The following LINGO2 variants were observed in gnomAD, a reference collection of about 807,000 sequenced individuals.
LINGO2 encodes leucine rich repeat and Ig domain containing 2.
A neutral mutation model predicts 30.6 loss-of-function variants in LINGO2; 14 were observed. That is an observed-to-expected ratio of 0.46 (90% CI 0.30 to 0.72). LINGO2 has a LOEUF of 0.72. Among genes scored for constraint, LINGO2 ranks in the 30% least tolerant of loss-of-function variants. LINGO2 has a pLI of 0.07. For synonymous variants in LINGO2, 317 were observed against 288.5 expected (o/e 1.10, Z -1.00); for missense variants, 729 against 751.7 (o/e 0.97, Z 0.35).
chr9:28,564,214 A>G (rs1823248226), intron 1 of LINGO2, among the ~76,000 whole-genome samples: 1 of 152,146 alleles, frequency 6.6e-6, no homozygotes, highest in Admixed American at 6.5e-5. Flanking sequence ...TCTTTTACAT[A>G]GAAAGAAAAT....
the LINGO2 span, among the ~76,000 whole-genome samples, chr9:28,972,013 A>G: frequency 2.2e-4 from 34 of 152,346 alleles, no homozygotes; most frequent in South Asian, 5.8e-3. Context: ...CTGGTAATCC[A>G]GAGAACTCTC....
In LINGO2 at chr9:28,221,083, A is replaced by G. The variant is rs560183420; in HGVS notation, c.-87+74125T>C. Among the ~76,000 whole-genome samples the G allele has an allele frequency of 1.5e-4, 23 of 152,174 alleles. No homozygotes were observed. The South Asian group carries it at 3.1e-3, about 21-fold the overall frequency. The stretch of plus-strand genomic sequence containing the variant: ...GGGAGGCTGAGGCGGGTGGATCACG[A>G]GGTCAGGAGATCGAAACCATCCTCG... On this transcript the variant is annotated intron_variant, in intron 4 of 5. Transcript: ENST00000379992.
the LINGO2 span, among the ~76,000 whole-genome samples, chr9:28,721,757 G>A: frequency 6.6e-6 from 1 of 151,762 alleles, no homozygotes; most frequent in Non-Finnish European, 1.5e-5. Flanking sequence ...AGTACCATGG[G>A]ACATGTATAC....
chr9:28,524,348 A>C (rs1016676535), intron 1 of LINGO2, among the ~76,000 whole-genome samples: 1 of 152,228 alleles, frequency 6.6e-6, no homozygotes, highest in African/African-American at 2.4e-5. Flanking sequence ...TTTGTAACTT[A>C]ATTAGGCAAA....
At chr9:28,981,380 A>C in the LINGO2 span, among the ~76,000 whole-genome samples, 4 of 146,248 alleles carry the variant, frequency 2.7e-5, no homozygotes, top group African/African-American at 1.0e-4. Flanking sequence ...TTAGATTATA[A>C]AACCACAATC....
the LINGO2 span, among the ~76,000 whole-genome samples, chr9:28,911,139 G>T: frequency 2.6e-5 from 4 of 152,010 alleles, no homozygotes; most frequent in Non-Finnish European, 4.4e-5. Context: ...GTCAATAAAA[G>T]AGGCAGTAAT....
At chr9:28,330,987 C>T (rs1013313458) in intron 3 of LINGO2, among the ~76,000 whole-genome samples, 9 of 152,052 alleles carry the variant, frequency 5.9e-5, no homozygotes, top group African/African-American at 1.9e-4. Flanking sequence ...TGGTTATAAA[C>T]TTAAATAGGC....
the LINGO2 span, among the ~76,000 whole-genome samples, chr9:28,829,129 G>A: frequency 6.6e-6 from 1 of 152,176 alleles, no homozygotes. Context: ...AAAAGAAGCA[G>A]CTGATTGTCA....
intron 2 of LINGO2, among the ~76,000 whole-genome samples, chr9:28,404,362 C>A (rs1822405534): frequency 6.6e-6 from 1 of 151,958 alleles, no homozygotes; most frequent in African/African-American, 2.4e-5. Flanking sequence ...AATCAGCTTA[C>A]TTTATTAACT....
intron 4 of LINGO2, among the ~76,000 whole-genome samples, chr9:28,043,358 T>A (rs1824276998): frequency 6.6e-6 from 1 of 152,154 alleles, no homozygotes; most frequent in South Asian, 2.1e-4. Flanking sequence ...ATAACTCAAG[T>A]GAACTGACTA....
chr9:28,053,879 T>C (rs1309913741), intron 4 of LINGO2, among the ~76,000 whole-genome samples: 6 of 152,102 alleles, frequency 3.9e-5, no homozygotes, highest in East Asian at 3.9e-4. Context: ...CTGCTTTGTT[T>C]GTCTTATCAA....
At chr9:28,733,065 C>A in the LINGO2 span, among the ~76,000 whole-genome samples, 7 of 152,136 alleles carry the variant, frequency 4.6e-5, no homozygotes, top group African/African-American at 1.7e-4. Context: ...ACTTTAAAAA[C>A]CTGTTAATAG....
intron 4 of LINGO2, among the ~76,000 whole-genome samples, chr9:28,174,260 A>G (rs183545500): frequency 1.4e-3 from 211 of 152,308 alleles, no homozygotes; most frequent in Non-Finnish European, 2.5e-3. Context: ...ATTAATTGTA[A>G]AGGTTTAATA....
chr9:28,823,081 G>A, the LINGO2 span, among the ~76,000 whole-genome samples: 1 of 152,132 alleles, frequency 6.6e-6, no homozygotes, highest in Non-Finnish European at 1.5e-5. Flanking sequence ...GGGACTGAGA[G>A]AGGTAAATTT....
intron 5 of LINGO2, among the ~76,000 whole-genome samples, chr9:27,984,354 T>C (rs553018182): frequency 3.3e-5 from 5 of 151,984 alleles, no homozygotes; most frequent in South Asian, 2.1e-4. Context: ...CAGGTTTTAA[T>C]AGGTGAGCAG....
chr9:28,938,455 A>G, the LINGO2 span, among the ~76,000 whole-genome samples: 18 of 152,188 alleles, frequency 1.2e-4, no homozygotes, highest in African/African-American at 4.1e-4. Flanking sequence ...TATACTACAT[A>G]TAGTCATGCA....
the LINGO2 span, among the ~76,000 whole-genome samples, chr9:29,182,405 A>C: frequency 6.6e-6 from 1 of 152,210 alleles, no homozygotes; most frequent in African/African-American, 2.4e-5. Flanking sequence ...AATAAACATA[A>C]GCCTAGAACA....
intron 5 of LINGO2, among the ~76,000 whole-genome samples, chr9:27,997,476 G>A (rs1029809884): frequency 1.3e-5 from 2 of 152,068 alleles, no homozygotes; most frequent in Non-Finnish European, 2.9e-5. Context: ...GTGTGACCCT[G>A]GACAGATCCC....
chr9:28,587,847 G>A (rs1184034836), intron 1 of LINGO2, among the ~76,000 whole-genome samples: 1 of 151,870 alleles, frequency 6.6e-6, no homozygotes, highest in African/African-American at 2.4e-5. Flanking sequence ...ACAGATTCTA[G>A]CTCTGAAGGG....
Sources: allele counts gnomAD v4.1 joint callset (sites outside exome capture counted in the v4.1 genomes callset), GRCh38; gene constraint gnomAD v4.1.1; transcripts MANE v1.5; gene names NCBI Gene and HGNC (gene_info 2026-07-23, HGNC 2026-07-21).